DKK4: variants seen among roughly 807,000 people sequenced by gnomAD.
The protein encoded by DKK4 is dickkopf Wnt signaling pathway inhibitor 4.
A neutral mutation model predicts 14.5 loss-of-function variants in DKK4; 15 were observed. The observed-to-expected ratio is 1.03, with a 90% CI of 0.69 to 1.59. The LOEUF is 1.59. Among genes scored for constraint, DKK4 ranks in the 40% most tolerant of loss-of-function variants. The pLI, the probability that DKK4 is intolerant of heterozygous loss-of-function variation, is 0.00. For synonymous variants in DKK4, 89 were observed against 105.2 expected (o/e 0.85, Z 0.94); for missense variants, 272 against 280.3 (o/e 0.97, Z 0.21).
At chr8:42,379,606 G>A (rs1030357374), upstream of DKK4, among the ~76,000 whole-genome samples, 1 of 151,860 alleles carries the variant, frequency 6.6e-6, no homozygotes, top group Non-Finnish European at 1.5e-5. Context: ...ACAGACGAAG[G>A]CATGATTTAG....
At chr8:42,390,774 A>T in the DKK4 span, among the ~76,000 whole-genome samples, 1 of 152,112 alleles carries the variant, frequency 6.6e-6, no homozygotes, top group Non-Finnish European at 1.5e-5. Context: ...TCCTGAAGAG[A>T]GGCAAATTAC....
upstream of DKK4, among the ~76,000 whole-genome samples, chr8:42,380,972 A>G (rs1242349074): frequency 6.6e-6 from 1 of 152,154 alleles, no homozygotes; most frequent in African/African-American, 2.4e-5. Context: ...AGAAAAAGAA[A>G]GACACTGGTG....
At chr8:42,390,217 T>C in the DKK4 span, among the ~76,000 whole-genome samples, 11 of 152,028 alleles carry the variant, frequency 7.2e-5, no homozygotes, top group Non-Finnish European at 1.6e-4. Context: ...TTTTACATTG[T>C]TGCCACACTA....
At chr8:42,389,341 G>A in the DKK4 span, among the ~76,000 whole-genome samples, 2 of 152,210 alleles carry the variant, frequency 1.3e-5, no homozygotes, top group Admixed American at 1.3e-4. Flanking sequence ...AGAGGTTAAT[G>A]CTTGCCTAAG....
chr8:42,376,707 T>C (rs1824571376), intron 1 of DKK4, among the ~76,000 whole-genome samples: 1 of 152,194 alleles, frequency 6.6e-6, no homozygotes, highest in South Asian at 2.1e-4. Context: ...TTTCGTGATT[T>C]ATAGACAAAC....
At chr8:42,382,545 A>G in the DKK4 span, among the ~76,000 whole-genome samples, 5 of 152,336 alleles carry the variant, frequency 3.3e-5, no homozygotes, top group Admixed American at 6.5e-5. Flanking sequence ...ACCTCACAGA[A>G]TTCACTCCAC....
At chr8:42,377,330 A>C, upstream of DKK4, 4 of 358,924 alleles carry the variant, frequency 1.1e-5, no homozygotes, top group East Asian at 4.9e-5. Flanking sequence ...ATCCCTTCAA[A>C]TCTGTTTGAT....
At chr8:42,375,590 T>C in intron 2 of DKK4, 90 bp downstream of exon 2, 1 of 1,507,020 alleles carries the variant, frequency 6.6e-7, no homozygotes, top group Non-Finnish European at 9.1e-7. Context: ...GGAAGCACCA[T>C]TAGAGAGTGC....
chr8:42,374,074 G>A lies in DKK4; in HGVS notation c.*26C>T. The A allele has an allele frequency of 6.2e-7, 1 of 1,609,436 alleles. No individual in the cohort carries two copies. ...GTCCAAGATTGAGCTCAAATGCAAT[G>A]TGGATTCTTCTTTATTTTGAAATAT... On this transcript the variant is annotated 3_prime_UTR_variant, in exon 4 of 4. Transcript: ENST00000220812.
chr8:42,376,393 T>G (rs1252819555), intron 1 of DKK4, among the ~76,000 whole-genome samples: 1 of 152,244 alleles, frequency 6.6e-6, no homozygotes, highest in Non-Finnish European at 1.5e-5. Context: ...GCATATATGA[T>G]ATATGTAATA....
At chr8:42,377,438 A>G (rs537953780), upstream of DKK4, among the ~76,000 whole-genome samples, 18 of 152,248 alleles carry the variant, frequency 1.2e-4, no homozygotes, top group South Asian at 3.1e-3. Flanking sequence ...TTGCATATCA[A>G]AGTTAGTTCA....
upstream of DKK4, among the ~76,000 whole-genome samples, chr8:42,380,699 AAAG>A (rs967831559): frequency 8.2e-5 from 12 of 146,196 alleles, no homozygotes; most frequent in Non-Finnish European, 1.5e-4. Context: ...AGAAAAGAAA[AAAG>A]GGAGGGAGGA....
In DKK4 at chr8:42,377,207, G is replaced by C. The variant is rs535421397; in HGVS notation, c.-162C>G. The C allele has an allele frequency of 4.5e-5, 27 of 600,220 alleles. No individual in the cohort carries two copies. The East Asian group carries it at 7.0e-4, about 16-fold the overall frequency. The allele number at this position is 600,220 out of a possible 1,614,324, so 37.2% of individuals were successfully genotyped here. A position where few individuals can be genotyped will look rare whatever the true frequency, so the allele number is the denominator to read the frequency against. On this transcript the variant is annotated 5_prime_UTR_variant, in exon 1 of 4. Transcript: ENST00000220812. ...GTAAACCTTAGTCTGAGTAAGGTGCGTGAAATCGGCTGAGCAAAGTCTGAC... is the reference window on the plus strand; with the variant it reads ...GTAAACCTTAGTCTGAGTAAGGTGCCTGAAATCGGCTGAGCAAAGTCTGAC...
upstream of DKK4, among the ~76,000 whole-genome samples, chr8:42,379,404 G>T (rs1233041450): frequency 1.1e-4 from 14 of 126,788 alleles, no homozygotes; most frequent in East Asian, 1.1e-3. Context: ...GAGAGAGAGA[G>T]AGAGAGAGAG....
rs138613428 is a variant in DKK4, at chr8:42,374,798, T to C, written c.378A>G (p.Lys126=). ...GTGATTTCTTAATACTTGGCTTCCT[T>C]TTGGGTTGGTTTTCCTGGACTGGGT... The part of the protein sequence containing the change: ...TGHPVQENQP[K]RKPSIKKSQG... The change falls in exon 3 of 4, where the codon AAA becomes AAG. Residue 126 remains lysine (K), a synonymous_variant. Coordinates refer to ENST00000220812, the MANE Select transcript of DKK4 (RefSeq NM_014420.3). The C allele has an allele frequency of 3.5e-5, 56 of 1,614,200 alleles. No homozygotes were observed. The Admixed American group carries it at 3.5e-4, about 10-fold the overall frequency.
At chr8:42,379,388 G>C (rs867657846), upstream of DKK4, among the ~76,000 whole-genome samples, 1 of 37,494 alleles carries the variant, frequency 2.7e-5, no homozygotes, top group East Asian at 8.9e-4. Flanking sequence ...TAGAGAGAGA[G>C]AGAGAGAGAG....
At chr8:42,380,128 T>C (rs1824645852), upstream of DKK4, among the ~76,000 whole-genome samples, 1 of 150,938 alleles carries the variant, frequency 6.6e-6, no homozygotes, top group Admixed American at 6.6e-5. Context: ...AAGCCAGGAG[T>C]TCAAGAGCAG....
Position 42,375,665 on chromosome 8 carries a change from C to T in DKK4, c.262+15G>A, listed in dbSNP as rs146172755. On this transcript the variant is annotated intron_variant, in intron 2 of 3. Coordinates refer to ENST00000220812, the MANE Select transcript of DKK4 (RefSeq NM_014420.3). ...CCTTCGGTTTAAAAACCACTGTTGG[C>T]GTTATGTCGCTCACCGTTCACACAG... The T allele has an allele frequency of 2.0e-3, 3,244 of 1,612,520 alleles. 44 individuals are homozygous for T. The highest frequency in any genetic ancestry group is 0.019 in the South Asian group (1,764 of 91,006).
chr8:42,383,155 C>T, the DKK4 span, among the ~76,000 whole-genome samples: 1 of 152,180 alleles, frequency 6.6e-6, no homozygotes, highest in Non-Finnish European at 1.5e-5. Flanking sequence ...GGCGGGCAGA[C>T]AAACCGCAGG....
Sources: allele counts gnomAD v4.1 joint callset (sites outside exome capture counted in the v4.1 genomes callset), GRCh38; gene constraint gnomAD v4.1.1; transcripts MANE v1.5; gene names NCBI Gene and HGNC (gene_info 2026-07-23, HGNC 2026-07-21).